PRX: variants seen among roughly 807,000 people sequenced by gnomAD.
PRX encodes periaxin.
A neutral mutation model predicts 29.6 loss-of-function variants in PRX; 24 were observed. The observed-to-expected ratio is 0.81, with a 90% confidence interval of 0.59 to 1.14. The LOEUF (loss-of-function observed/expected upper bound fraction) is 1.14, where lower values mean the gene tolerates loss of function less well. PRX is among the 50% of genes most tolerant of loss of function. PRX has a pLI of 0.00. For missense variants in PRX, 1,838 were observed against 1,926.4 expected (o/e 0.95, Z 0.86); for synonymous variants, 772 against 831.7 (o/e 0.93, Z 1.24).
chr19:40,394,733 C>A lies in PRX; in HGVS notation c.3619G>T (p.Gly1207Cys). 1.9e-6 allele frequency: 3 copies of A among 1,613,292 alleles called. No individual in the cohort carries two copies. The highest frequency in any genetic ancestry group is 2.5e-6 in the Non-Finnish European group (3 of 1,180,028). Residue 1207 changes from glycine (G) to cysteine (C), a missense_variant, in exon 7 of 7, where the codon GGT becomes TGT. Gly to Cys is a radical substitution (Grantham distance 159, BLOSUM62 -3). Around this residue, in one of 3 missense-constraint regions of PRX, gnomAD observed 1,143 missense variants for 1,193.0 expected, o/e 0.96. Coordinates refer to ENST00000324001, the MANE Select transcript of PRX (RefSeq NM_181882.3). The surrounding 1 kb of genome is among the most constrained non-coding windows in gnomAD (Gnocchi z 5.8). ...GTGGGCATCTTAAAGACACCCTCAC[C>A]CACCAGCAGCTCACCACCTGCAACC... ...AQVAGGELLV[G>C]EGVFKMPTVT...
In PRX at chr19:40,403,826, C is replaced by A. The variant is rs2079513592; in HGVS notation, c.64G>T (p.Glu22Ter). The A allele has an allele frequency of 6.8e-6, 11 of 1,607,478 alleles. No homozygotes were observed. The highest frequency in any genetic ancestry group is 1.3e-5 in the African/African-American group (1 of 74,860). Residue 22 changes from glutamate to a stop codon, truncating the protein, a stop_gained, in exon 5 of 7, where the codon GAG becomes TAG. Coordinates refer to ENST00000324001, the MANE Select transcript of PRX (RefSeq NM_181882.3). LOFTEE classifies it high-confidence loss of function. ...RRAELVEIIV[E>*]TEAQTGVSGI... ...CTGACCCCGGTCTGCGCCTCCGTCTCCACGATAATTTCCACCAACTCCGCC... is the reference window on the plus strand; with the variant it reads ...CTGACCCCGGTCTGCGCCTCCGTCTACACGATAATTTCCACCAACTCCGCC...
chr19:40,404,407 G>T (rs1409677916), intron 4 of PRX, among the ~76,000 whole-genome samples: 4 of 148,754 alleles, frequency 2.7e-5, no homozygotes, highest in African/African-American at 7.5e-5. Flanking sequence ...GGCGTGGTCA[G>T]GTCGGGAGGG....
rs763990676 is a variant in PRX at position 40,394,498 on chromosome 19, C to G, written c.3854G>C (p.Gly1285Ala). Reference sequence around the variant, plus strand: ...CACCTGGTACTCGGCATGGTTGCCCCCGGATGGCGAGAGCTCCACGTCGGG... The same window carrying G: ...CACCTGGTACTCGGCATGGTTGCCCGCGGATGGCGAGAGCTCCACGTCGGG... ...SLPDVELSPS[G>A]GNHAEYQVAE... Residue 1285 changes from glycine (G) to alanine (A), a missense_variant, in exon 7 of 7, where the codon GGG becomes GCG. Physicochemically the swap from Gly to Ala is moderately conservative, Grantham distance 60 (BLOSUM62 0). Transcript: ENST00000324001. This position sits in a 1 kb window ranked among gnomAD's most constrained non-coding sequence, Gnocchi z 5.8. 1 of 1,599,708 alleles carries G rather than the reference C, an allele frequency of 6.3e-7. No homozygotes were observed. The highest frequency in any genetic ancestry group is 8.5e-7 in the Non-Finnish European group (1 of 1,173,804).
intron 4 of PRX, among the ~76,000 whole-genome samples, chr19:40,405,317 C>G (rs2079523708): frequency 6.6e-6 from 1 of 152,150 alleles, no homozygotes; most frequent in African/African-American, 2.4e-5. Flanking sequence ...CTTGCCCTCT[C>G]TGGACCCACT....
In PRX at chr19:40,395,300, C is replaced by T. The variant is rs772827175; in HGVS notation, c.3052G>A (p.Gly1018Arg). 4 of 1,613,690 alleles carry T rather than the reference C, an allele frequency of 2.5e-6. No homozygotes were observed. Among genetic ancestry groups the T allele is most frequent in the Non-Finnish European group, 3.4e-6 (4 of 1,180,034 alleles). ...EVAGADLKFKGPRFALPKFGV... is the reference protein window; with the variant it reads ...EVAGADLKFKRPRFALPKFGV... Reference sequence around the variant, plus strand: ...AACTTGGGGAGAGCAAACCTGGGCCCCTTGAACTTGAGGTCGGCCCCTGCC... The same window carrying T: ...AACTTGGGGAGAGCAAACCTGGGCCTCTTGAACTTGAGGTCGGCCCCTGCC... The change falls in exon 7 of 7, where the codon GGG becomes AGG. Residue 1018 changes from glycine to arginine, a missense_variant. This residue lies in a region of PRX where 1,143 missense variants were observed against 1,193.0 expected (regional missense o/e 0.96). Transcript: ENST00000324001.
upstream of PRX, among the ~76,000 whole-genome samples, chr19:40,414,408 G>A (rs2079572113): frequency 6.6e-6 from 1 of 152,178 alleles, no homozygotes; most frequent in African/African-American, 2.4e-5. Flanking sequence ...ACAGGCGTGA[G>A]CCACCGCGTC....
In PRX at chr19:40,395,231, C is replaced by T; in HGVS notation, c.3121G>A (p.Gly1041Arg). ...RDTEAAELVP[G>R]VAELEGKGWG... ...CCCTTGCCCTCCAACTCAGCCACCCCTGGCACTAGTTCTGCTGCCTCAGTG... is the reference window on the plus strand; with the variant it reads ...CCCTTGCCCTCCAACTCAGCCACCCTTGGCACTAGTTCTGCTGCCTCAGTG... Residue 1041 changes from glycine (G) to arginine (R), a missense_variant, in exon 7 of 7, where the codon GGG (glycine) becomes AGG (arginine). Physicochemically the swap from Gly to Arg is moderately radical, Grantham distance 125. Coordinates refer to ENST00000324001, the MANE Select transcript of PRX (RefSeq NM_181882.3). The T allele has an allele frequency of 6.2e-7, 1 of 1,614,160 alleles. No homozygotes were observed. The highest frequency in any genetic ancestry group is 8.5e-7 in the Non-Finnish European group (1 of 1,180,028).
In PRX at chr19:40,396,178, G is replaced by A; in HGVS notation, c.2174C>T (p.Pro725Leu). The stretch of plus-strand genomic sequence containing the variant: ...AGGCACCTTGGGGAGTTTTATCTCT[G>A]GGAGCTTCATGTCAGGGACTTTCAT... Reference protein sequence around the residue: ...CEMKVPDMKLPEIKLPKVPEM... With the variant: ...CEMKVPDMKLLEIKLPKVPEM... The change falls in exon 7 of 7, where the codon CCA becomes CTA. Residue 725 changes from proline to leucine, a missense_variant. This residue lies in a region of PRX where 1,143 missense variants were observed against 1,193.0 expected (regional missense o/e 0.96). Transcript: ENST00000324001. The A allele has an allele frequency of 6.2e-7, 1 of 1,613,268 alleles. No homozygotes were observed. Among genetic ancestry groups the A allele is most frequent in the Non-Finnish European group, 8.5e-7 (1 of 1,179,546 alleles).
chr19:40,398,349 G>A lies in PRX; in HGVS notation c.381+271C>T. 3 of 1,429,066 alleles carry A rather than the reference G, an allele frequency of 2.1e-6. No homozygotes were observed. Among genetic ancestry groups the A allele is most frequent in the East Asian group, 2.5e-5 (1 of 39,780 alleles). The allele number at this position is 1,429,066 out of a possible 1,614,324, so 88.5% of individuals were successfully genotyped here. A position where few individuals can be genotyped will look rare whatever the true frequency, so the allele number is the denominator to read the frequency against. ...GGCTGGAATCTGGCTTTCCTGGTTC[G>A]AAGTAGCCTGGTTCAGGACCCCTAG... On this transcript the variant is annotated intron_variant, in intron 6 of 6. Transcript: ENST00000324001. The surrounding 1 kb of genome is among the most constrained non-coding windows in gnomAD (Gnocchi z 6.3).
intron 4 of PRX, 83 bp from the exon 5 acceptor site, chr19:40,403,945 A>G (rs2079514677): frequency 7.1e-7 from 1 of 1,414,150 alleles, no homozygotes; most frequent in Non-Finnish European, 9.6e-7. Context: ...ACAGTGGCTC[A>G]TATACATATA....
intron 4 of PRX, among the ~76,000 whole-genome samples, chr19:40,407,212 T>TTTGTGTGTGTG (rs372328171): frequency 1.5e-5 from 2 of 133,894 alleles, no homozygotes; most frequent in African/African-American, 5.7e-5. Context: ...TTATATGCCC[T>TTTGTGTGTGTG]TGTGTGTGTG....
At chr19:40,401,180 C>T (rs2079491520) in intron 5 of PRX, among the ~76,000 whole-genome samples, 1 of 152,208 alleles carries the variant, frequency 6.6e-6, no homozygotes, top group Admixed American at 6.5e-5. Flanking sequence ...TATATATATA[C>T]CTCCAAAACC....
rs185292817 is a variant in PRX at position 40,405,859 on chromosome 19, G to C, written c.28-1997C>G. ...TCACCATGTTGGCCAGGATGGTCTCGATCTCTTGACTTCATGATCCACCCG... is the reference window on the plus strand; with the variant it reads ...TCACCATGTTGGCCAGGATGGTCTCCATCTCTTGACTTCATGATCCACCCG... On this transcript the variant is annotated intron_variant, in intron 4 of 6. Coordinates refer to ENST00000324001, the MANE Select transcript of PRX (RefSeq NM_181882.3). 1.4e-3 allele frequency among the ~76,000 whole-genome samples: 216 copies of C among 151,238 alleles called. 1 individual carries two copies. Among genetic ancestry groups the C allele is most frequent in the African/African-American group, 5.0e-3 (207 of 41,256 alleles).
chr19:40,396,355 T>C lies in PRX; in HGVS notation c.1997A>G (p.Lys666Arg). 1 of 1,606,836 alleles carries C rather than the reference T, an allele frequency of 6.2e-7. No homozygotes were observed. The highest frequency in any genetic ancestry group is 1.1e-5 in the South Asian group (1 of 90,768). ...AGCCATCTCAGGCATTTTAGGGAGT[T>C]TCATCTCTGGGACTTTCGGGAGCTG... The part of the protein sequence containing the change: ...EVQLPKVPEM[K>R]LPKMPEMAVP... Residue 666 changes from lysine (K) to arginine (R), a missense_variant, in exon 7 of 7, where the codon AAA becomes AGA. Coordinates refer to ENST00000324001, the MANE Select transcript of PRX (RefSeq NM_181882.3).
rs1295301764 is a variant in PRX, at chr19:40,397,525, C to G, written c.827G>C (p.Gly276Ala). 4 of 1,545,478 alleles carry G rather than the reference C, an allele frequency of 2.6e-6. No individual in the cohort carries two copies. The South Asian group carries it at 4.7e-5, about 18-fold the overall frequency. ...CTCCACAGCAGGCGGAGCCGGGGCT[C>G]CGAGCCCAAGGGTTGGCAGGTGGAG... is the stretch of plus-strand genomic sequence containing the variant. ...FALHLPTLGLGAPAPPAVEAP... is the reference protein window; with the variant it reads ...FALHLPTLGLAAPAPPAVEAP... Residue 276 changes from glycine to alanine, a missense_variant, in exon 7 of 7, where the codon GGA (glycine) becomes GCA (alanine). Transcript: ENST00000324001.
rs766358380 is a variant in PRX, at chr19:40,397,097, T to A, written c.1255A>T (p.Thr419Ser). 3 of 1,614,058 alleles carry A rather than the reference T, an allele frequency of 1.9e-6. No homozygotes were observed. The African/African-American group carries it at 4.0e-5, about 22-fold the overall frequency. Residue 419 changes from threonine to serine, a missense_variant, in exon 7 of 7, where the codon ACC (threonine) becomes TCC (serine). Around this residue, in one of 3 missense-constraint regions of PRX, gnomAD observed 666 missense variants for 665.0 expected, o/e 1.00. Coordinates refer to ENST00000324001, the MANE Select transcript of PRX (RefSeq NM_181882.3). Reference protein sequence around the residue: ...EVVESKLKLPTIKMPSLGIGV... With the variant: ...EVVESKLKLPSIKMPSLGIGV... Reference sequence around the variant, plus strand: ...ATGCCAAGGGAGGGCATCTTGATGGTGGGCAGCTTCAGCTTGCTCTCTACA... The same window carrying A: ...ATGCCAAGGGAGGGCATCTTGATGGAGGGCAGCTTCAGCTTGCTCTCTACA...
At chr19:40,400,383 G>T (rs1293609772) in intron 5 of PRX, among the ~76,000 whole-genome samples, 1 of 145,344 alleles carries the variant, frequency 6.9e-6, no homozygotes. Flanking sequence ...ACCTGAGGTC[G>T]GGAGTTCGAG....
At position 40,394,405 on chromosome 19, in the gene PRX, G is replaced by A. The variant is rs142762689; in HGVS notation, c.3947C>T (p.Ala1316Val). 2.7e-4 allele frequency: 428 copies of A among 1,600,720 alleles called. 1 individual carries two copies. In the African/African-American group the frequency reaches 4.8e-3, roughly 18 times the overall value. ...VRLPRFGLVR[A>V]KEGAEEGEKA... is the part of the protein sequence containing the mutation. ...CTCACCCTCCTCGGCCCCCTCCTTG[G>A]CCCGCACCAGGCCAAACCGGGGCAG... Residue 1316 changes from alanine (A) to valine (V), a missense_variant, in exon 7 of 7, where the codon GCC becomes GTC. This residue lies in a region of PRX where 1,143 missense variants were observed against 1,193.0 expected (regional missense o/e 0.96). Transcript: ENST00000324001. The surrounding 1 kb of genome is among the most constrained non-coding windows in gnomAD (Gnocchi z 5.8).
intron 4 of PRX, among the ~76,000 whole-genome samples, chr19:40,405,146 G>C (rs1024752680): frequency 7.2e-5 from 11 of 152,138 alleles, no homozygotes; most frequent in African/African-American, 9.7e-5. Context: ...GGTAATGAAT[G>C]GGACTGGGAG....
Sources: gnomAD v4.1 joint callset for allele counts (sites outside exome capture counted in the v4.1 genomes callset) on GRCh38, gnomAD v4.1.1 for gene constraint, gnomAD v4.1.1 regional missense constraint, Gnocchi (gnomAD v3.1) non-coding constraint, MANE v1.5 for transcripts, NCBI Gene and HGNC (gene_info 2026-07-23, HGNC 2026-07-21) for gene names.